UPRT: variants seen among roughly 807,000 people sequenced by gnomAD.
The protein encoded by UPRT is RP11-311P8.3.
UPRT carries 5 observed loss-of-function variants against 22.6 expected under a neutral mutation model. That is an observed-to-expected ratio of 0.22 (90% CI 0.12 to 0.47). The LOEUF is 0.47. Ranked by LOEUF, UPRT falls within the 20% of genes least tolerant of loss-of-function variation. The pLI is 0.99. For synonymous variants in UPRT, 77 were observed against 87.7 expected (o/e 0.88, Z 0.68); for missense variants, 181 against 239.9 (o/e 0.75, Z 1.62).
At chrX:75,235,131 A>T (rs1427849464) in intron 4 of UPRT, among the ~76,000 whole-genome samples, 1 of 112,037 alleles carries the variant, frequency 8.9e-6, no homozygotes, top group Non-Finnish European at 1.9e-5. Flanking sequence ...AGAAATACAG[A>T]CTACCATCAG....
At position 75,266,758 on chromosome X, in the gene UPRT, C is replaced by A. The variant is rs373623830; in HGVS notation, c.-446-24266C>A. ...CACATTTAGAATTAAAAAAACAACC[C>A]CATCAAAAAGTGGGTGAAGAATATG... On this transcript the variant is annotated intron_variant, in intron 4 of 13. Transcript: ENST00000652605. Among the ~76,000 whole-genome samples, 44 of 110,944 alleles carry A rather than the reference C, an allele frequency of 4.0e-4. 4 individuals are homozygous for A. The East Asian group carries it at 4.8e-3, about 12-fold the overall frequency.
At chrX:75,287,682 A>G (rs965017239) in intron 1 of UPRT, among the ~76,000 whole-genome samples, 1 of 111,710 alleles carries the variant, frequency 9.0e-6, no homozygotes, top group African/African-American at 3.2e-5. Flanking sequence ...CAGCAAAAGC[A>G]GCATTAAGAG....
At chrX:75,250,798 T>C (rs1271407093) in intron 4 of UPRT, among the ~76,000 whole-genome samples, 2 of 112,023 alleles carry the variant, frequency 1.8e-5, no homozygotes, top group South Asian at 7.5e-4. Flanking sequence ...TGAACATTGA[T>C]GCAAAAATCC....
At chrX:75,301,045 T>C (rs1311028475) in intron 6 of UPRT, 80 bp downstream of exon 6, 13 of 667,468 alleles carry the variant, frequency 1.9e-5, no homozygotes, top group Non-Finnish European at 2.7e-5. Context: ...CTTCTAATCC[T>C]GAGGAAAAGT....
At chrX:75,180,695 G>GTTTTTTTTTTTTTTTTTTTTTTTTTTTT (rs61040746) in intron 4 of UPRT, among the ~76,000 whole-genome samples, 10 of 34,662 alleles carry the variant, frequency 2.9e-4, no homozygotes, top group African/African-American at 1.3e-3. Context: ...TTTTTTTTTT[G>GTTTTTTTTTTTTTTTTTTTTTTTTTTTT]TTTTTTTTTT....
chrX:75,162,400 T>TGGGTC (rs2082202718), intron 2 of UPRT, among the ~76,000 whole-genome samples: 2 of 111,998 alleles, frequency 1.8e-5, no homozygotes, highest in Non-Finnish European at 3.8e-5. Context: ...AAGCTATAGA[T>TGGGTC]TAATAACTCA....
In UPRT at chrX:75,274,775, G is replaced by GGTGTGTGTGTGTGTGTGT. The variant is rs201034223; in HGVS notation, c.386+160_386+177dup. The GGTGTGTGTGTGTGTGTGT allele has an allele frequency of 5.5e-5, 20 of 361,694 alleles. No homozygotes were observed. In the African/African-American group the frequency reaches 5.7e-4, roughly 10 times the overall value. 29.8% of individuals were successfully genotyped at this position (361,694 alleles called of 1,213,427 possible). A position where few individuals can be genotyped will look rare whatever the true frequency, so the allele number is the denominator to read the frequency against. On this transcript the variant is annotated intron_variant, in intron 1 of 6. Transcript: ENST00000373383. ...GAGATTGGGGTAAGACCTTTTATTT[G>GGTGTGTGTGTGTGTGTGT]GTGTGTGTGTGTGTGTGTGTGTGTG... is the stretch of plus-strand genomic sequence containing the variant.
At chrX:75,190,613 T>A (rs892868924) in intron 4 of UPRT, among the ~76,000 whole-genome samples, 2 of 112,358 alleles carry the variant, frequency 1.8e-5, no homozygotes, top group East Asian at 5.6e-4. Context: ...TTTCAGGTAC[T>A]CCAGTCAGAT....
At chrX:75,213,552 C>A (rs137989329) in intron 4 of UPRT, among the ~76,000 whole-genome samples, 1 of 111,467 alleles carries the variant, frequency 9.0e-6, no homozygotes, top group Non-Finnish European at 1.9e-5. Flanking sequence ...GGAGTCAAGA[C>A]GCAATGCCCA....
At chrX:75,233,383 C>G (rs762464547) in intron 4 of UPRT, among the ~76,000 whole-genome samples, 1 of 111,477 alleles carries the variant, frequency 9.0e-6, no homozygotes, top group Admixed American at 9.5e-5. Context: ...TCCATGAGAA[C>G]TTCCCCAATC....
At chrX:75,217,077 A>C (rs983671775) in intron 4 of UPRT, among the ~76,000 whole-genome samples, 1 of 112,063 alleles carries the variant, frequency 8.9e-6, no homozygotes, top group Non-Finnish European at 1.9e-5. Flanking sequence ...TTCAAAAAAA[A>C]GAATTAGGAC....
At chrX:75,180,681 G>GTTTT (rs59522302) in intron 4 of UPRT, among the ~76,000 whole-genome samples, 2 of 43,892 alleles carry the variant, frequency 4.6e-5, no homozygotes, top group Non-Finnish European at 7.7e-5. Context: ...CCTTTTCTCT[G>GTTTT]TTTTTTTTTT....
At chrX:75,205,141 C>A (rs1455387352) in intron 4 of UPRT, among the ~76,000 whole-genome samples, 2 of 109,335 alleles carry the variant, frequency 1.8e-5, no homozygotes, top group African/African-American at 3.3e-5. Flanking sequence ...GAGGCCGAGG[C>A]GGGTGGATCA....
chrX:75,254,876 C>T (rs5937346), intron 4 of UPRT, among the ~76,000 whole-genome samples: 2,254 of 107,518 alleles, frequency 0.021, 37 homozygotes, highest in South Asian at 0.13. Context: ...CCCGGGTTCA[C>T]GCCATTCTCC....
intron 3 of UPRT, among the ~76,000 whole-genome samples, chrX:75,166,627 T>C (rs899864995): frequency 8.0e-5 from 9 of 111,814 alleles, no homozygotes; most frequent in Non-Finnish European, 1.7e-4. Flanking sequence ...TAAAAGTGTA[T>C]AAAAGATAAA....
At chrX:75,256,679 T>C (rs2082550771) in intron 4 of UPRT, among the ~76,000 whole-genome samples, 1 of 110,807 alleles carries the variant, frequency 9.0e-6, no homozygotes, top group South Asian at 3.7e-4. Flanking sequence ...ACAAATGAAA[T>C]GGGAGATATT....
At chrX:75,253,061 A>C (rs2082537112) in intron 4 of UPRT, among the ~76,000 whole-genome samples, 1 of 110,731 alleles carries the variant, frequency 9.0e-6, no homozygotes, top group Non-Finnish European at 1.9e-5. Context: ...AGGAGGGGGG[A>C]GGGATAGCAT....
intron 4 of UPRT, among the ~76,000 whole-genome samples, chrX:75,246,621 G>T (rs752139565): frequency 1.3e-4 from 14 of 111,510 alleles, no homozygotes; most frequent in African/African-American, 4.6e-4. Flanking sequence ...TATATACCCA[G>T]TAATGGGATG....
intron 3 of UPRT, among the ~76,000 whole-genome samples, chrX:75,163,350 A>G (rs963604512): frequency 8.9e-6 from 1 of 111,992 alleles, no homozygotes; most frequent in Non-Finnish European, 1.9e-5. Context: ...AGACCCACCC[A>G]AGATAATCTC....
Sources: gnomAD v4.1 joint callset for allele counts (sites outside exome capture counted in the v4.1 genomes callset) on GRCh38, gnomAD v4.1.1 for gene constraint, MANE v1.5 for transcripts, NCBI Gene and HGNC (gene_info 2026-07-23, HGNC 2026-07-21) for gene names.